PPP2R5C: variants seen among roughly 807,000 people sequenced by gnomAD.
PPP2R5C encodes protein phosphatase 2 regulatory subunit B'gamma.
Under a neutral mutation model 68.9 loss-of-function variants are expected in PPP2R5C, and 7 were observed. That is an observed-to-expected ratio of 0.10 (90% CI 0.06 to 0.19). PPP2R5C has a LOEUF of 0.19. Among genes scored for constraint, PPP2R5C ranks in the 10% least tolerant of loss-of-function variants. PPP2R5C has a pLI of 1.00. For missense variants in PPP2R5C, 348 were observed against 641.3 expected, an observed-to-expected ratio of 0.54 and a Z score of 4.94; for synonymous variants, 210 against 222.2, an observed-to-expected ratio of 0.95 and a Z score of 0.49.
chr14:101,902,551 A>G (rs2045754264), intron 9 of PPP2R5C, among the ~76,000 whole-genome samples: 1 of 152,204 alleles, frequency 6.6e-6, no homozygotes, highest in South Asian at 2.1e-4. Context: ...ATCATGAACA[A>G]GGTGAAAATA....
chr14:101,901,030 C>T (rs1168369310), intron 8 of PPP2R5C, among the ~76,000 whole-genome samples: 1 of 152,232 alleles, frequency 6.6e-6, no homozygotes, highest in Non-Finnish European at 1.5e-5. Context: ...ATTCACATCA[C>T]TCCTTTTGAT....
At chr14:101,822,057 G>T (rs2140276062) in intron 1 of PPP2R5C, among the ~76,000 whole-genome samples, 1 of 145,864 alleles carries the variant, frequency 6.9e-6, no homozygotes, top group Middle Eastern at 3.5e-3. Context: ...TTAATGTAGT[G>T]ACCCCACCAC....
intron 3 of PPP2R5C, among the ~76,000 whole-genome samples, chr14:101,799,324 T>C (rs1298036405): frequency 6.6e-6 from 1 of 152,194 alleles, no homozygotes; most frequent in Non-Finnish European, 1.5e-5. Flanking sequence ...TGTATTTAGT[T>C]GTGTCCTGCC....
Position 101,913,384 on chromosome 14 carries a change from TAAAGTTA to T in PPP2R5C, c.1326+917_1326+923del, listed in dbSNP as rs1458391231. ...CTTAATAAAAAGTTATACATGAATA[TAAAGTTA>T]AAAGTATATCTTTACCTATATAACA... is the stretch of plus-strand genomic sequence containing the variant. On this transcript the variant is annotated intron_variant, in intron 12 of 13. Coordinates refer to ENST00000334743, the Ensembl canonical transcript of PPP2R5C. The surrounding 1 kb of genome is among the most constrained non-coding windows in gnomAD (Gnocchi z 4.1). Among the ~76,000 whole-genome samples, 5 of 152,222 alleles carry T rather than the reference TAAAGTTA, an allele frequency of 3.3e-5. No individual in the cohort carries two copies. Among genetic ancestry groups the T allele is most frequent in the Admixed American group, 1.3e-4 (2 of 15,280 alleles).
At chr14:101,896,940 G>A (rs2045374030) in intron 8 of PPP2R5C, among the ~76,000 whole-genome samples, 6 of 152,176 alleles carry the variant, frequency 3.9e-5, no homozygotes, top group Admixed American at 3.9e-4. Flanking sequence ...TTTGGGCTCT[G>A]CTTTCTTGTA....
chr14:101,861,640 CTA>C (rs1310815875), intron 2 of PPP2R5C, among the ~76,000 whole-genome samples: 1 of 152,144 alleles, frequency 6.6e-6, no homozygotes, highest in African/African-American at 2.4e-5. Context: ...TCTTAGGACT[CTA>C]TGATGAAATG....
At chr14:101,761,072 G>A (rs866824788), upstream of PPP2R5C, among the ~76,000 whole-genome samples, 2 of 131,328 alleles carry the variant, frequency 1.5e-5, no homozygotes, top group African/African-American at 2.9e-5. Flanking sequence ...GGAGGGAGAG[G>A]AGGGAAGGGG....
intron 2 of PPP2R5C, among the ~76,000 whole-genome samples, chr14:101,874,282 T>G (rs923952210): frequency 1.3e-5 from 2 of 152,210 alleles, no homozygotes; most frequent in African/African-American, 2.4e-5. Flanking sequence ...TACTAAACTT[T>G]CTCATACCTT....
chr14:101,866,446 A>G (rs1374948567), intron 2 of PPP2R5C, among the ~76,000 whole-genome samples: 1 of 152,170 alleles, frequency 6.6e-6, no homozygotes, highest in East Asian at 1.9e-4. Flanking sequence ...GTTCCATTTT[A>G]TCGATAGATT....
chr14:101,864,189 A>G (rs541090300), intron 2 of PPP2R5C, among the ~76,000 whole-genome samples: 20 of 152,204 alleles, frequency 1.3e-4, no homozygotes, highest in Non-Finnish European at 2.8e-4. Flanking sequence ...AGACTTGGGC[A>G]TTAAGACTCG....
chr14:101,792,440 C>A (rs1023757626), intron 3 of PPP2R5C, among the ~76,000 whole-genome samples: 1 of 152,160 alleles, frequency 6.6e-6, no homozygotes, highest in Non-Finnish European at 1.5e-5. Context: ...GTTTCACTAG[C>A]GAATTCAACA....
chr14:101,793,404 T>C (rs1160363110), intron 3 of PPP2R5C, among the ~76,000 whole-genome samples: 1 of 152,262 alleles, frequency 6.6e-6, no homozygotes, highest in East Asian at 1.9e-4. Flanking sequence ...CCCTGACCAC[T>C]TCACGGGCAG....
chr14:101,780,692 G>T (rs2037634771), intron 2 of PPP2R5C, among the ~76,000 whole-genome samples: 1 of 152,208 alleles, frequency 6.6e-6, no homozygotes, highest in Non-Finnish European at 1.5e-5. Flanking sequence ...CTCAGGGCTT[G>T]ATCAGGTTCA....
intron 13 of PPP2R5C, chr14:101,921,487 C>T (rs1019682355): frequency 6.6e-6 from 1 of 151,600 alleles, no homozygotes; most frequent in African/African-American, 2.4e-5. Flanking sequence ...GCACCACTGC[C>T]CTCCAGCCTG....
At chr14:101,772,508 A>G (rs1225076043) in intron 2 of PPP2R5C, among the ~76,000 whole-genome samples, 1 of 152,216 alleles carries the variant, frequency 6.6e-6, no homozygotes, top group African/African-American at 2.4e-5. Flanking sequence ...AAAATAAAGT[A>G]ATGCGGCTGG....
intron 2 of PPP2R5C, among the ~76,000 whole-genome samples, chr14:101,862,205 C>T (rs935273189): frequency 1.3e-5 from 2 of 152,182 alleles, no homozygotes; most frequent in African/African-American, 4.8e-5. Context: ...CATGAACTAT[C>T]GCACCCAGCC....
chr14:101,918,822 C>T (rs2046853490), intron 13 of PPP2R5C, among the ~76,000 whole-genome samples: 2 of 149,220 alleles, frequency 1.3e-5, no homozygotes, highest in African/African-American at 2.5e-5. Context: ...TTTCCCTGAG[C>T]GTCCCTCCCT....
chr14:101,798,418 G>GT (rs1411710240), intron 3 of PPP2R5C, among the ~76,000 whole-genome samples: 1 of 152,172 alleles, frequency 6.6e-6, no homozygotes, highest in African/African-American at 2.4e-5. Context: ...TTTACAGGTA[G>GT]TTTGTTTTTA....
chr14:101,871,135 C>T (rs1257876257), intron 2 of PPP2R5C, among the ~76,000 whole-genome samples: 1 of 152,052 alleles, frequency 6.6e-6, no homozygotes, highest in East Asian at 1.9e-4. Context: ...CTTTTTCTTC[C>T]CTTTTACTTT....
Sources: gnomAD v4.1 joint callset for allele counts (sites outside exome capture counted in the v4.1 genomes callset) on GRCh38, gnomAD v4.1.1 for gene constraint, Gnocchi (gnomAD v3.1) non-coding constraint, MANE v1.5 for transcripts, NCBI Gene and HGNC (gene_info 2026-07-23, HGNC 2026-07-21) for gene names.